The following PCDHGA3 variants were observed in gnomAD, a reference collection of about 807,000 sequenced individuals.
The protein encoded by PCDHGA3 is protocadherin gamma subfamily A, 3.
Under a neutral mutation model 58.5 loss-of-function variants are expected in PCDHGA3, and 40 were observed. That is an observed-to-expected ratio of 0.68 (90% CI 0.53 to 0.89). PCDHGA3 has a LOEUF of 0.89. PCDHGA3 is among the 40% of genes least tolerant of loss of function. The probability of loss-of-function intolerance (pLI) is 0.00; values close to 1 mark genes in which losing one functional copy is unlikely to be tolerated. For synonymous variants in PCDHGA3, 530 were observed against 525.7 expected (o/e 1.01, Z -0.11); for missense variants, 1,223 against 1,195.9 (o/e 1.02, Z -0.33).
At chr5:141,474,115 G>A (rs1404490690) in intron 1 of PCDHGA3, among the ~76,000 whole-genome samples, 2 of 152,062 alleles carry the variant, frequency 1.3e-5, no homozygotes, top group South Asian at 2.1e-4. Context: ...CAACAACAAC[G>A]AAAATCTCAG....
chr5:141,374,561 C>A, intron 1 of PCDHGA3: 1 of 1,613,628 alleles, frequency 6.2e-7, no homozygotes. Context: ...GGTCTATGAC[C>A]CTGATGTGGG....
intron 1 of PCDHGA3, chr5:141,423,369 A>C: frequency 1.9e-6 from 3 of 1,614,104 alleles, no homozygotes; most frequent in Non-Finnish European, 2.5e-6. Flanking sequence ...TGCTGCTGGC[A>C]CTCAGGCTGT....
At chr5:141,450,211 T>TTTCA (rs1038674129) in intron 1 of PCDHGA3, among the ~76,000 whole-genome samples, 23 of 152,166 alleles carry the variant, frequency 1.5e-4, no homozygotes, top group African/African-American at 4.3e-4. Flanking sequence ...AGAGACAAGG[T>TTTCA]TTCACTATGT....
intron 1 of PCDHGA3, chr5:141,395,206 A>T: frequency 1.9e-6 from 3 of 1,613,736 alleles, no homozygotes; most frequent in Non-Finnish European, 2.5e-6. Flanking sequence ...GTAGATTTTC[A>T]TGAATATAAG....
At position 141,346,509 on chromosome 5, in the gene PCDHGA3, A is replaced by G. The variant is rs1168606062; in HGVS notation, c.2424+52A>G. On this transcript the variant is annotated intron_variant, in intron 1 of 3. Coordinates refer to ENST00000253812, the MANE Select transcript of PCDHGA3 (RefSeq NM_018916.4). ...TAAGAACAAATATGAGAATGTGGTT[A>G]TTATAAAGCTTTAACACATATGTAT... 6.8e-6 allele frequency: 11 copies of G among 1,607,562 alleles called. No individual in the cohort carries two copies. The Admixed American group carries it at 1.9e-4, about 27-fold the overall frequency.
intron 1 of PCDHGA3, chr5:141,389,539 A>G (rs762558713): frequency 6.2e-7 from 1 of 1,613,218 alleles, no homozygotes; most frequent in Non-Finnish European, 8.5e-7. Context: ...TTAGTGGACG[A>G]CCGCAACGAC....
rs767425379 is a variant in PCDHGA3, at chr5:141,403,635, T to C, written c.2424+57178T>C. 1.1e-5 allele frequency: 18 copies of C among 1,613,902 alleles called. No individual in the cohort carries two copies. The South Asian group carries it at 1.8e-4, about 16-fold the overall frequency. On this transcript the variant is annotated intron_variant, in intron 1 of 3. Transcript: ENST00000253812. ...CCGCGTCGCTCCAGCACAGTGCGCA[T>C]CCATGTGACAGTGTTGGATACAAAT... is the stretch of plus-strand genomic sequence containing the variant.
chr5:141,499,089 A>G (rs1417307590), intron 2 of PCDHGA3, among the ~76,000 whole-genome samples: 2 of 152,116 alleles, frequency 1.3e-5, no homozygotes, highest in Non-Finnish European at 1.5e-5. Context: ...CCTGCTTGGC[A>G]CATGCTTCTC....
Position 141,365,841 on chromosome 5 carries a change from A to G in PCDHGA3, c.2424+19384A>G, listed in dbSNP as rs765506735. 13 of 1,613,714 alleles carry G rather than the reference A, an allele frequency of 8.1e-6. No individual in the cohort carries two copies. The Admixed American group carries it at 8.3e-5, about 10-fold the overall frequency. On this transcript the variant is annotated intron_variant, in intron 1 of 3. Coordinates refer to ENST00000253812, the MANE Select transcript of PCDHGA3 (RefSeq NM_018916.4). ...TTTCAGGGGGCGCCCTTGTCCTCCT[A>G]TGTATCCATTAACTCTGACACCGGT... is the stretch of plus-strand genomic sequence containing the variant.
At position 141,485,225 on chromosome 5, in the gene PCDHGA3, T is replaced by C; in HGVS notation, c.2425-9582T>C. The C allele has an allele frequency of 1.2e-6, 2 of 1,614,156 alleles. No homozygotes were observed. Among genetic ancestry groups the C allele is most frequent in the Non-Finnish European group, 1.7e-6 (2 of 1,180,010 alleles). On this transcript the variant is annotated intron_variant, in intron 1 of 3. Coordinates refer to ENST00000253812, the MANE Select transcript of PCDHGA3 (RefSeq NM_018916.4). The surrounding 1 kb of genome is among the most constrained non-coding windows in gnomAD (Gnocchi z 5.7). Reference sequence around the variant, plus strand: ...AGAAATCTGGCGGTGGGCTACCCTTTTGTTCCTCTTTTACCACCTGGGTTA... The same window carrying C: ...AGAAATCTGGCGGTGGGCTACCCTTCTGTTCCTCTTTTACCACCTGGGTTA...
In PCDHGA3 at chr5:141,355,299, C is replaced by T. The variant is rs537879124; in HGVS notation, c.2424+8842C>T. On this transcript the variant is annotated intron_variant, in intron 1 of 3. Transcript: ENST00000253812. ...AAATCAGGGCCGAACAGATTCTCTA[C>T]TCGGTGTTTGAGGAGCAGGAAGAAG... 2.9e-4 allele frequency: 464 copies of T among 1,613,922 alleles called. 4 individuals carry two copies. In the East Asian group the frequency reaches 7.4e-3, roughly 26 times the overall value.
intron 1 of PCDHGA3, chr5:141,355,800 A>G (rs759729781): frequency 1.2e-6 from 2 of 1,613,580 alleles, no homozygotes; most frequent in East Asian, 4.5e-5. Flanking sequence ...AACGCGCTCT[A>G]GATCGCGAGG....
intron 1 of PCDHGA3, chr5:141,413,447 C>T: frequency 2.5e-6 from 4 of 1,614,088 alleles, no homozygotes; most frequent in Non-Finnish European, 3.4e-6. Flanking sequence ...TTGATCACCG[C>T]GGGCAGGATA....
At chr5:141,376,106 C>A (rs747782630) in intron 1 of PCDHGA3, 2 of 1,613,796 alleles carry the variant, frequency 1.2e-6, no homozygotes, top group East Asian at 4.5e-5. Context: ...CCTGGCCGAC[C>A]TGGGCAGCCT....
intron 1 of PCDHGA3, chr5:141,350,393 G>C (rs551145874): frequency 3.1e-6 from 5 of 1,599,084 alleles, no homozygotes; most frequent in Middle Eastern, 1.7e-4. Flanking sequence ...CGGCTCACGG[G>C]TGGGGAAACT....
intron 1 of PCDHGA3, chr5:141,394,900 C>T (rs959646500): frequency 3.7e-6 from 6 of 1,613,748 alleles, no homozygotes; most frequent in Non-Finnish European, 3.4e-6. Context: ...CTCGTGGTGG[C>T]AGTGGCTGCC....
At chr5:141,461,009 A>T (rs1407993113) in intron 1 of PCDHGA3, among the ~76,000 whole-genome samples, 1 of 151,542 alleles carries the variant, frequency 6.6e-6, no homozygotes, top group Admixed American at 6.6e-5. Flanking sequence ...GTATATATAT[A>T]TACCACATTT....
chr5:141,376,222 G>T (rs1485996653), intron 1 of PCDHGA3: 2 of 1,614,068 alleles, frequency 1.2e-6, no homozygotes, highest in East Asian at 2.2e-5. Flanking sequence ...TGCTGCTGGC[G>T]CTCAGACTGC....
chr5:141,502,634 T>C (rs1306951640), intron 2 of PCDHGA3, among the ~76,000 whole-genome samples: 1 of 152,228 alleles, frequency 6.6e-6, no homozygotes. Flanking sequence ...CTGTGGATGA[T>C]ACTTTGAGAT....
Sources: gnomAD v4.1 joint callset for allele counts (sites outside exome capture counted in the v4.1 genomes callset) on GRCh38, gnomAD v4.1.1 for gene constraint, Gnocchi (gnomAD v3.1) non-coding constraint, MANE v1.5 for transcripts, NCBI Gene and HGNC (gene_info 2026-07-23, HGNC 2026-07-21) for gene names.